Variants in NLRP13 observed in about 807,000 individuals in gnomAD.
The protein encoded by NLRP13 is NACHT, LRR and PYD domains-containing protein 13.
NLRP13 carries 82 observed loss-of-function variants against 94.4 expected under a neutral mutation model. That is an observed-to-expected ratio of 0.87 (90% CI 0.73 to 1.04). The LOEUF (loss-of-function observed/expected upper bound fraction) is 1.04. Among genes scored for constraint, NLRP13 ranks in the 50% least tolerant of loss-of-function variants. The pLI, the probability that NLRP13 is intolerant of heterozygous loss-of-function variation, is 0.00. For missense variants in NLRP13, 1,426 were observed against 1,230.8 expected (o/e 1.16, Z -2.37); for synonymous variants, 553 against 464.7 (o/e 1.19, Z -2.45).
intron 2 of NLRP13, 55 bp downstream of exon 2, chr19:55,924,912 A>C (rs1986930890): frequency 7.0e-7 from 1 of 1,431,036 alleles, no homozygotes; most frequent in Non-Finnish European, 9.9e-7. Flanking sequence ...TGGACCAGTG[A>C]ATGAGTGCTC....
intron 4 of NLRP13, among the ~76,000 whole-genome samples, chr19:55,916,563 A>T (rs1036975018): frequency 6.6e-6 from 1 of 152,202 alleles, no homozygotes; most frequent in Non-Finnish European, 1.5e-5. Context: ...TGAAAAATTC[A>T]TTGAAGTTAC....
chr19:55,910,507 G>A, intron 6 of NLRP13, 56 bp downstream of exon 6: 1 of 1,451,320 alleles, frequency 6.9e-7, no homozygotes, highest in Non-Finnish European at 9.3e-7. Flanking sequence ...TCAAAAGAGA[G>A]AAGTTGGGAG....
At chr19:55,923,802 G>T in intron 4 of NLRP13, 112 bp downstream of exon 4, 2 of 764,536 alleles carry the variant, frequency 2.6e-6, no homozygotes, top group East Asian at 2.5e-5. Flanking sequence ...TTAATTTATT[G>T]CATACCATAA....
intron 5 of NLRP13, 121 bp downstream of exon 5, chr19:55,911,585 T>G: frequency 1.1e-6 from 1 of 923,508 alleles, no homozygotes; most frequent in Non-Finnish European, 1.7e-6. Flanking sequence ...CTCCAGACCA[T>G]TTGGTCGGAA....
Position 55,907,887 on chromosome 19 carries a change from C to G in NLRP13, c.2352G>C (p.Leu784=). 1 of 1,613,718 alleles carries G rather than the reference C, an allele frequency of 6.2e-7. No homozygotes were observed. Among genetic ancestry groups the G allele is most frequent in the South Asian group, 1.1e-5 (1 of 91,004 alleles). Residue 784 remains leucine (L), a synonymous_variant, in exon 7 of 11, where the codon CTG becomes CTC. Transcript: ENST00000342929. ...LIIALQGNSK[L]THLNFSSNKL... is the part of the protein sequence containing the mutation. ...TGTTAGAGCTGAAGTTCAGATGGGT[C>G]AGCTTGCTGTTACCCTGAAGGGCAA...
chr19:55,921,066 G>A (rs987806752), intron 4 of NLRP13, among the ~76,000 whole-genome samples: 1 of 152,146 alleles, frequency 6.6e-6, no homozygotes, highest in Non-Finnish European at 1.5e-5. Flanking sequence ...TAAATCATGT[G>A]TACATATGTA....
rs73609527 is a variant in NLRP13 at position 55,898,051 on chromosome 19, G to A, written c.2957+719C>T. Among the ~76,000 whole-genome samples the A allele has an allele frequency of 8.8e-3, 1,333 of 152,210 alleles. 10 individuals carry two copies. Among genetic ancestry groups the A allele is most frequent in the African/African-American group, 0.03 (1,260 of 41,520 alleles). On this transcript the variant is annotated intron_variant, in intron 10 of 10. Transcript: ENST00000342929. ...AGATTCACAGTGGGGAGCAGGCTGC[G>A]CTCCCCTCAACTTCCCAGCACCTGG...
chr19:55,920,564 C>G (rs1220057490), intron 4 of NLRP13, among the ~76,000 whole-genome samples: 1 of 151,898 alleles, frequency 6.6e-6, no homozygotes, highest in African/African-American at 2.4e-5. Flanking sequence ...TGCTCATTAT[C>G]ACTAGGCAGA....
In NLRP13 at chr19:55,910,812, G is replaced by A. The variant is rs533311274; in HGVS notation, c.2112-79C>T. On this transcript the variant is annotated intron_variant, in intron 5 of 10. Transcript: ENST00000342929. ...CCCAGAATACAACCTACGGGACACA[G>A]AAAGAAACCCTAACAAAATTATTAT... The A allele has an allele frequency of 9.7e-4, 1,131 of 1,168,528 alleles. 1 individual carries two copies. Among genetic ancestry groups the A allele is most frequent in the Non-Finnish European group, 1.3e-3 (1,063 of 838,646 alleles). 72.4% of individuals were successfully genotyped at this position (1,168,528 alleles called of 1,614,324 possible).
At chr19:55,919,554 C>G (rs115346135) in intron 4 of NLRP13, among the ~76,000 whole-genome samples, 602 of 151,688 alleles carry the variant, frequency 4.0e-3, no homozygotes, top group African/African-American at 0.013. Flanking sequence ...TATCAGTAGC[C>G]TTTCTATACT....
intron 1 of NLRP13, among the ~76,000 whole-genome samples, chr19:55,931,742 G>GAAAA (rs1568449461): frequency 7.4e-6 from 1 of 135,718 alleles, no homozygotes; most frequent in African/African-American, 3.1e-5. Context: ...AAGAAAGAAA[G>GAAAA]AAAAAGGCTT....
intron 7 of NLRP13, 82 bp from the exon 8 acceptor site, chr19:55,905,194 C>A: frequency 7.0e-7 from 1 of 1,420,836 alleles, no homozygotes; most frequent in East Asian, 2.3e-5. Context: ...CCTTAACCCC[C>A]GAGACCCAAA....
At chr19:55,916,945 AC>A (rs1333316712) in intron 4 of NLRP13, among the ~76,000 whole-genome samples, 1 of 152,160 alleles carries the variant, frequency 6.6e-6, no homozygotes, top group South Asian at 2.1e-4. Context: ...GAAGGAAAAA[AC>A]GTCCTAAAAA....
At chr19:55,929,798 AAAT>A (rs1386622313) in intron 1 of NLRP13, among the ~76,000 whole-genome samples, 3 of 152,368 alleles carry the variant, frequency 2.0e-5, no homozygotes, top group South Asian at 2.1e-4. Flanking sequence ...AGAAAGAGGA[AAAT>A]AATAAAGATA....
chr19:55,896,007 C>G lies in NLRP13; in HGVS notation c.3070G>C (p.Gly1024Arg), dbSNP rs1985997835. ...NLLGNELDTD[G>R]VKMLCKALKK... ...AAAGCCTTACATAGCATCTTGACAC[C>G]ATCAGTATCCAATTCATTGCCTAGA... The change falls in exon 11 of 11, where the codon GGT (glycine) becomes CGT (arginine). Residue 1024 changes from glycine to arginine, a missense_variant. Physicochemically the swap from Gly to Arg is moderately radical, Grantham distance 125. Coordinates refer to ENST00000342929, the MANE Select transcript of NLRP13 (RefSeq NM_176810.2). 1 of 1,614,168 alleles carries G rather than the reference C, an allele frequency of 6.2e-7. No homozygotes were observed. The highest frequency in any genetic ancestry group is 1.1e-5 in the South Asian group (1 of 91,076).
chr19:55,897,140 G>T (rs575205089), intron 10 of NLRP13, among the ~76,000 whole-genome samples: 1 of 152,082 alleles, frequency 6.6e-6, no homozygotes, highest in Non-Finnish European at 1.5e-5. Flanking sequence ...GGGTTGGCTA[G>T]CTACTAGAAA....
At chr19:55,929,263 TC>T (rs1987045090) in intron 1 of NLRP13, among the ~76,000 whole-genome samples, 2 of 152,270 alleles carry the variant, frequency 1.3e-5, no homozygotes, top group South Asian at 4.1e-4. Context: ...GACCCAGCAA[TC>T]CCATTACTGG....
chr19:55,909,924 G>A (rs1395050565), intron 6 of NLRP13, among the ~76,000 whole-genome samples: 2 of 152,056 alleles, frequency 1.3e-5, no homozygotes, highest in Non-Finnish European at 2.9e-5. Flanking sequence ...TACCTTTTCA[G>A]TGAGGCCCTT....
downstream of NLRP13, chr19:55,892,176 T>G (rs1032977955): frequency 4.2e-6 from 5 of 1,204,278 alleles, no homozygotes; most frequent in Non-Finnish European, 5.2e-6. Flanking sequence ...TAGAAGTAAT[T>G]TTTAATTTTT....
Sources: gnomAD v4.1 joint callset for allele counts (sites outside exome capture counted in the v4.1 genomes callset) on GRCh38, gnomAD v4.1.1 for gene constraint, MANE v1.5 for transcripts, NCBI Gene and HGNC (gene_info 2026-07-23, HGNC 2026-07-21) for gene names.